WDPCP: variants seen among roughly 807,000 people sequenced by gnomAD.
WDPCP encodes WD repeat containing planar cell polarity effector.
A neutral mutation model predicts 93.1 loss-of-function variants in WDPCP; 71 were observed. That is an observed-to-expected ratio of 0.76 (90% confidence interval 0.63 to 0.93). The LOEUF is 0.93. Among genes scored for constraint, WDPCP ranks in the 40% least tolerant of loss-of-function variants. The pLI, the probability that WDPCP is intolerant of heterozygous loss-of-function variation, is 0.00. For missense variants in WDPCP, 844 were observed against 887.4 expected (o/e 0.95, Z 0.62); for synonymous variants, 315 against 315.0 (o/e 1.00, Z 0.00).
intron 3 of WDPCP, among the ~76,000 whole-genome samples, chr2:63,646,680 T>C (rs191892893): frequency 1.3e-5 from 2 of 152,326 alleles, no homozygotes; most frequent in Non-Finnish European, 1.5e-5. Context: ...AGATATACTA[T>C]TCTAAAGTAA....
chr2:63,751,782 A>G, intron 2 of WDPCP: 1 of 629,850 alleles, frequency 1.6e-6, no homozygotes, highest in Non-Finnish European at 3.0e-6. Flanking sequence ...TTGGCCTCCA[A>G]CACCACAGTG....
intron 6 of WDPCP, among the ~76,000 whole-genome samples, chr2:63,446,596 A>G (rs917486250): frequency 2.0e-5 from 3 of 152,188 alleles, no homozygotes; most frequent in Non-Finnish European, 2.9e-5. Flanking sequence ...GTGATAAGCT[A>G]TCCTCTCTCA....
At chr2:63,416,284 C>T (rs1436207996) in intron 9 of WDPCP, among the ~76,000 whole-genome samples, 1 of 151,854 alleles carries the variant, frequency 6.6e-6, no homozygotes, top group Non-Finnish European at 1.5e-5. Context: ...ACTGCAACCT[C>T]CGCCTCCCGG....
At chr2:63,607,130 G>A in intron 3 of WDPCP, 2 of 690,058 alleles carry the variant, frequency 2.9e-6, no homozygotes, top group Non-Finnish European at 4.5e-6. Context: ...CTTGGTACAG[G>A]TTTGTGAATG....
intron 15 of WDPCP, among the ~76,000 whole-genome samples, chr2:63,172,216 AAAG>A (rs1341235871): frequency 6.6e-6 from 1 of 152,188 alleles, no homozygotes; most frequent in Non-Finnish European, 1.5e-5. Context: ...AATTGTTTCT[AAAG>A]AAGTATCCAG....
intron 2 of WDPCP, among the ~76,000 whole-genome samples, chr2:63,808,899 G>A (rs911022185): frequency 6.6e-6 from 1 of 151,810 alleles, no homozygotes; most frequent in Non-Finnish European, 1.5e-5. Flanking sequence ...GAAATGAGGA[G>A]CGCCTCTTCC....
chr2:63,523,884 C>A (rs554689813), intron 1 of WDPCP, among the ~76,000 whole-genome samples: 2 of 152,248 alleles, frequency 1.3e-5, no homozygotes, highest in African/African-American at 4.8e-5. Context: ...GCACTCCAGT[C>A]TGGGCAACAA....
chr2:63,519,430 T>A (rs1467105446), intron 1 of WDPCP, among the ~76,000 whole-genome samples: 1 of 152,152 alleles, frequency 6.6e-6, no homozygotes, highest in African/African-American at 2.4e-5. Flanking sequence ...CATGCTGCCA[T>A]GTGGCTGGCA....
intron 14 of WDPCP, among the ~76,000 whole-genome samples, chr2:63,240,253 A>C (rs1679761389): frequency 6.6e-6 from 1 of 152,046 alleles, no homozygotes; most frequent in East Asian, 1.9e-4. Context: ...ATCACAACTC[A>C]CTGTAACCTC....
chr2:63,836,555 A>T, the WDPCP span, among the ~76,000 whole-genome samples: 1 of 152,154 alleles, frequency 6.6e-6, no homozygotes, highest in Non-Finnish European at 1.5e-5. Flanking sequence ...TATCTTTTCA[A>T]ATTATAATCA....
intron 3 of WDPCP, chr2:63,595,118 C>T (rs1709280387): frequency 5.0e-6 from 2 of 399,318 alleles, no homozygotes; most frequent in Admixed American, 4.0e-5. Context: ...ATCAAATATA[C>T]AGCTATTAAC....
At chr2:63,245,345 A>G (rs1040999317) in intron 14 of WDPCP, among the ~76,000 whole-genome samples, 1 of 152,208 alleles carries the variant, frequency 6.6e-6, no homozygotes, top group Admixed American at 6.6e-5. Flanking sequence ...AATAGTCTAT[A>G]TTAAATAATT....
At chr2:63,835,941 G>A in the WDPCP span, among the ~76,000 whole-genome samples, 4 of 152,096 alleles carry the variant, frequency 2.6e-5, no homozygotes, top group African/African-American at 9.7e-5. Context: ...TGCAAACTCC[G>A]CCTCCCATGT....
chr2:63,230,515 G>T (rs571407213), intron 14 of WDPCP, among the ~76,000 whole-genome samples: 4 of 152,140 alleles, frequency 2.6e-5, no homozygotes, highest in African/African-American at 9.7e-5. Context: ...TCGCCACACT[G>T]TCTTCCACAA....
intron 13 of WDPCP, among the ~76,000 whole-genome samples, chr2:63,307,937 C>A (rs1447882916): frequency 6.6e-6 from 1 of 152,132 alleles, no homozygotes; most frequent in Non-Finnish European, 1.5e-5. Flanking sequence ...AGTAAACAGG[C>A]AACCTACAAA....
rs996745273 is a variant in WDPCP, at chr2:63,538,182, T to C, written c.76-45242A>G. 9.5e-4 allele frequency among the ~76,000 whole-genome samples: 144 copies of C among 152,240 alleles called. 9 individuals are homozygous for C. Among genetic ancestry groups the C allele is most frequent in the South Asian group, 2.1e-4 (1 of 4,824 alleles). On this transcript the variant is annotated intron_variant, in intron 1 of 17. Transcript: ENST00000272321. The stretch of plus-strand genomic sequence containing the variant: ...GAGTAACACAATTCAAGCCCCTGCC[T>C]TTAAACAAATAAAAGATAATCCCTC...
At chr2:63,786,301 C>T (rs1001031910) in intron 2 of WDPCP, among the ~76,000 whole-genome samples, 1 of 152,142 alleles carries the variant, frequency 6.6e-6, no homozygotes, top group African/African-American at 2.4e-5. Flanking sequence ...TGTAAGCCAC[C>T]ACACTCGGCC....
At chr2:63,800,228 A>T (rs1670675680) in intron 2 of WDPCP, among the ~76,000 whole-genome samples, 1 of 152,176 alleles carries the variant, frequency 6.6e-6, no homozygotes, top group Non-Finnish European at 1.5e-5. Context: ...AATTCTGGCA[A>T]TTATTTCAGA....
chr2:63,496,910 G>C (rs4671062), intron 1 of WDPCP, among the ~76,000 whole-genome samples: 2 of 151,628 alleles, frequency 1.3e-5, no homozygotes, highest in Non-Finnish European at 2.9e-5. Flanking sequence ...CCAAGAGTTC[G>C]AGACCAGCCT....
Sources: gnomAD v4.1 joint callset for allele counts (sites outside exome capture counted in the v4.1 genomes callset) on GRCh38, gnomAD v4.1.1 for gene constraint, MANE v1.5 for transcripts, NCBI Gene and HGNC (gene_info 2026-07-23, HGNC 2026-07-21) for gene names.